COL4A1: variants seen among roughly 807,000 people sequenced by gnomAD.
COL4A1 encodes collagen alpha-1(IV) chain.
A neutral mutation model predicts 216.6 loss-of-function variants in COL4A1; 40 were observed. That is an observed-to-expected ratio of 0.18 (90% CI 0.14 to 0.24). The LOEUF is 0.24. Ranked by LOEUF, COL4A1 falls within the 10% of genes least tolerant of loss-of-function variation. The pLI, the probability that COL4A1 is intolerant of heterozygous loss-of-function variation, is 1.00. For missense variants in COL4A1, 1,628 were observed against 2,196.8 expected (o/e 0.74, Z 5.18); for synonymous variants, 839 against 810.7 (o/e 1.03, Z -0.59).
Position 110,175,358 on chromosome 13 carries a change from C to T in COL4A1, c.3059-1G>A. 1 of 1,614,100 alleles carries T rather than the reference C, an allele frequency of 6.2e-7. No homozygotes were observed. The highest frequency in any genetic ancestry group is 8.5e-7 in the Non-Finnish European group (1 of 1,180,010). ...GGCACACCTTTCTCTCCAGGTGTTC[C>T]TATAAACACAAACAATTGAAACTTG... On this transcript the variant is annotated splice_acceptor_variant, in intron 36 of 51. Transcript: ENST00000375820. LOFTEE classifies it high-confidence loss of function.
At position 110,210,913 on chromosome 13, in the gene COL4A1, T is replaced by G. The variant is rs149123002; in HGVS notation, c.469-701A>C. 5.1e-3 allele frequency among the ~76,000 whole-genome samples: 781 copies of G among 152,228 alleles called. 6 individuals are homozygous for G. Among genetic ancestry groups the G allele is most frequent in the East Asian group, 0.018 (95 of 5,174 alleles). On this transcript the variant is annotated intron_variant, in intron 8 of 51. Transcript: ENST00000375820. ...GGTGTCTGGCCTGCCCACCTCACTC[T>G]GCAGGTTTTGAGTTTGCCGGCCCCC...
chr13:110,278,529 T>TAA (rs1170277393), intron 1 of COL4A1, among the ~76,000 whole-genome samples: 1 of 152,196 alleles, frequency 6.6e-6, no homozygotes, highest in Non-Finnish European at 1.5e-5. Context: ...CATTCATTCA[T>TAA]TCTTCTAATC....
intron 1 of COL4A1, among the ~76,000 whole-genome samples, chr13:110,293,293 G>A (rs1477426716): frequency 6.6e-6 from 1 of 152,192 alleles, no homozygotes; most frequent in Non-Finnish European, 1.5e-5. Context: ...TCGCACCTGT[G>A]GCATTGCTCT....
At chr13:110,305,289 T>C (rs1884640071) in intron 1 of COL4A1, among the ~76,000 whole-genome samples, 2 of 152,202 alleles carry the variant, frequency 1.3e-5, no homozygotes, top group Admixed American at 1.3e-4. Flanking sequence ...TAGGAAATGA[T>C]TAAAGGGAAG....
chr13:110,277,446 C>A (rs1322190839), intron 1 of COL4A1, among the ~76,000 whole-genome samples: 4 of 152,160 alleles, frequency 2.6e-5, no homozygotes, highest in African/African-American at 9.7e-5. Context: ...ATATAATAAT[C>A]CCTCCTGCAA....
At chr13:110,154,852 A>C (rs1372424995) in intron 50 of COL4A1, among the ~76,000 whole-genome samples, 1 of 152,252 alleles carries the variant, frequency 6.6e-6, no homozygotes, top group Non-Finnish European at 1.5e-5. Flanking sequence ...GGTCATACAG[A>C]GAAGCTAGTC....
intron 2 of COL4A1, among the ~76,000 whole-genome samples, chr13:110,215,790 C>T (rs1043043315): frequency 2.6e-5 from 4 of 152,152 alleles, no homozygotes; most frequent in African/African-American, 2.4e-5. Context: ...AAAAATCAAC[C>T]GACAAGCTAC....
intron 17 of COL4A1, among the ~76,000 whole-genome samples, chr13:110,204,222 CA>C (rs1321220606): frequency 6.6e-6 from 1 of 152,154 alleles, no homozygotes; most frequent in Non-Finnish European, 1.5e-5. Context: ...ATGATTTAAA[CA>C]GTCCAAAGAT....
At chr13:110,230,261 T>G (rs1479019513) in intron 2 of COL4A1, among the ~76,000 whole-genome samples, 1 of 151,890 alleles carries the variant, frequency 6.6e-6, no homozygotes, top group Non-Finnish European at 1.5e-5. Context: ...GTGGTGTGTG[T>G]ATATGTTATG....
chr13:110,242,642 A>G (rs765883021), intron 2 of COL4A1, 33 bp downstream of exon 2: 15 of 1,608,740 alleles, frequency 9.3e-6, no homozygotes, highest in Middle Eastern at 1.7e-4. Flanking sequence ...CAATTCACAA[A>G]GAAATGTTGT....
At chr13:110,267,896 TAAA>T (rs745305690) in intron 1 of COL4A1, among the ~76,000 whole-genome samples, 1 of 151,984 alleles carries the variant, frequency 6.6e-6, no homozygotes, top group Non-Finnish European at 1.5e-5. Flanking sequence ...TATGTATACA[TAAA>T]AAATATGTAG....
chr13:110,195,886 C>G (rs1212784054), intron 21 of COL4A1, among the ~76,000 whole-genome samples: 1 of 152,208 alleles, frequency 6.6e-6, no homozygotes, highest in African/African-American at 2.4e-5. Context: ...CTCTCCCTTA[C>G]AGGGTCTTCA....
At chr13:110,306,136 C>G (rs920778708) in intron 1 of COL4A1, among the ~76,000 whole-genome samples, 52 of 152,100 alleles carry the variant, frequency 3.4e-4, no homozygotes, top group African/African-American at 1.2e-3. Context: ...AGCCTCGACT[C>G]CTGCAAACCT....
At chr13:110,209,347 G>T (rs1411574397) in intron 11 of COL4A1, 45 bp downstream of exon 11, 30 of 1,572,946 alleles carry the variant, frequency 1.9e-5, no homozygotes, top group Non-Finnish European at 2.3e-5. Context: ...TTTCATGATA[G>T]CCTTATACTA....
rs563953702 is a variant in COL4A1 at position 110,160,249 on chromosome 13, T to C, written c.4640+943A>G. Among the ~76,000 whole-genome samples, 5 of 121,726 alleles carry C rather than the reference T, an allele frequency of 4.1e-5. No individual in the cohort carries two copies. The South Asian group carries it at 1.2e-3, about 29-fold the overall frequency. The allele number at this position is 121,726 out of a possible 152,430, so 79.9% of individuals were successfully genotyped here. On this transcript the variant is annotated intron_variant, in intron 49 of 51. Coordinates refer to ENST00000375820, the MANE Select transcript of COL4A1 (RefSeq NM_001845.6). ...TGAGGTCAGGAGATCGAGACCATCCTGGCTAACAAGGTGAAACCCCGTCTC... is the reference window on the plus strand; with the variant it reads ...TGAGGTCAGGAGATCGAGACCATCCCGGCTAACAAGGTGAAACCCCGTCTC...
intron 31 of COL4A1, among the ~76,000 whole-genome samples, chr13:110,178,692 T>A (rs1878002147): frequency 6.6e-6 from 1 of 152,056 alleles, no homozygotes; most frequent in African/African-American, 2.4e-5. Flanking sequence ...GAGTACACAA[T>A]AAAGGAAAGG....
rs1480597760 is a variant in COL4A1 at position 110,307,044 on chromosome 13, C to T, written c.-17G>A. 1.4e-6 allele frequency: 2 copies of T among 1,450,620 alleles called. No homozygotes were observed. The highest frequency in any genetic ancestry group is 9.0e-7 in the Non-Finnish European group (1 of 1,105,974). The allele number at this position is 1,450,620 out of a possible 1,614,324, so 89.9% of individuals were successfully genotyped here. A position where few individuals can be genotyped will look rare whatever the true frequency, so the allele number is the denominator to read the frequency against. ...GGGCCCCATGGTGGCGCGCCCGAGG[C>T]GGCGAGGGACGGCTGCCCGGCGTGC... On this transcript the variant is annotated 5_prime_UTR_variant, in exon 1 of 52. Transcript: ENST00000375820. This position sits in a 1 kb window ranked among gnomAD's most constrained non-coding sequence, Gnocchi z 5.0.
Position 110,169,648 on chromosome 13 carries a change from G to T in COL4A1, c.3857C>A (p.Pro1286His), listed in dbSNP as rs1064795795. The T allele has an allele frequency of 6.2e-7, 1 of 1,614,052 alleles. No homozygotes were observed. Reference protein sequence around the residue: ...APGVPGPKGDPGFQGMPGIGG... With the variant: ...APGVPGPKGDHGFQGMPGIGG... ...ACTCACAGGCATGCCCTGGAATCCAGGGTCTCCCTTGGGCCCTGGGACACC... is the reference window on the plus strand; with the variant it reads ...ACTCACAGGCATGCCCTGGAATCCATGGTCTCCCTTGGGCCCTGGGACACC... The change falls in exon 43 of 52, where the codon CCT becomes CAT. Residue 1286 changes from proline (P) to histidine (H), a missense_variant. Physicochemically the swap from Pro to His is moderately conservative, Grantham distance 77 (BLOSUM62 -2). Coordinates refer to ENST00000375820, the MANE Select transcript of COL4A1 (RefSeq NM_001845.6).
intron 1 of COL4A1, among the ~76,000 whole-genome samples, chr13:110,283,160 G>A (rs143269761): frequency 6.6e-6 from 1 of 152,212 alleles, no homozygotes; most frequent in Admixed American, 6.5e-5. Flanking sequence ...AGGAAAGACA[G>A]AGACTGAAGA....
Sources: gnomAD v4.1 joint callset for allele counts (sites outside exome capture counted in the v4.1 genomes callset) on GRCh38, gnomAD v4.1.1 for gene constraint, Gnocchi (gnomAD v3.1) non-coding constraint, MANE v1.5 for transcripts, NCBI Gene and HGNC (gene_info 2026-07-23, HGNC 2026-07-21) for gene names.